The following DYRK1A variants were observed in gnomAD, a reference collection of about 807,000 sequenced individuals.
The protein encoded by DYRK1A is dual specificity tyrosine phosphorylation regulated kinase 1A.
In DYRK1A, 9 loss-of-function variants were observed where a neutral mutation model predicts 79.7. The observed-to-expected ratio is 0.11, with a 90% CI of 0.07 to 0.20. DYRK1A has a LOEUF of 0.20. DYRK1A is among the 10% of genes least tolerant of loss of function. The pLI is 1.00. For synonymous variants in DYRK1A, 349 were observed against 329.7 expected (o/e 1.06, Z -0.63); for missense variants, 622 against 956.0 (o/e 0.65, Z 4.61).
chr21:37,486,730 G>A (rs1286908157), intron 6 of DYRK1A, 116 bp downstream of exon 6: 1 of 1,076,916 alleles, frequency 9.3e-7, no homozygotes, highest in Non-Finnish European at 1.2e-6. Context: ...TTAAAAATTT[G>A]TTTATTTCTG....
intron 2 of DYRK1A, among the ~76,000 whole-genome samples, chr21:37,437,198 GATTTTTGAAT>G (rs2050949699): frequency 2.0e-5 from 3 of 152,072 alleles, no homozygotes; most frequent in Non-Finnish European, 4.4e-5. Context: ...AAAAGTGGGG[GATTTTTGAAT>G]TTTTTACAGC....
At chr21:37,484,607 A>C (rs1290185658) in intron 5 of DYRK1A, among the ~76,000 whole-genome samples, 3 of 152,156 alleles carry the variant, frequency 2.0e-5, no homozygotes, top group Non-Finnish European at 4.4e-5. Flanking sequence ...CTGGGATTAC[A>C]GGCATGAGCT....
chr21:37,408,116 C>A (rs2050181204), intron 1 of DYRK1A, among the ~76,000 whole-genome samples: 1 of 152,176 alleles, frequency 6.6e-6, no homozygotes. Flanking sequence ...ACCCTTTTCC[C>A]TTTCCCAGAA....
chr21:37,448,622 T>G (rs1056283311), intron 2 of DYRK1A, among the ~76,000 whole-genome samples: 1 of 152,230 alleles, frequency 6.6e-6, no homozygotes, highest in African/African-American at 2.4e-5. Context: ...CTGAAAAAAC[T>G]TGTATATTTT....
chr21:37,478,833 A>G (rs946007204), intron 4 of DYRK1A, among the ~76,000 whole-genome samples: 1 of 152,070 alleles, frequency 6.6e-6, no homozygotes, highest in Non-Finnish European at 1.5e-5. Flanking sequence ...TCTTTTTATG[A>G]TAAGATGTCC....
chr21:37,494,165 T>G (rs1485365595), intron 8 of DYRK1A, among the ~76,000 whole-genome samples: 1 of 152,032 alleles, frequency 6.6e-6, no homozygotes, highest in Admixed American at 6.5e-5. Context: ...GTGCTGAGAT[T>G]ACAGGCGTGA....
At position 37,525,098 on chromosome 21, in the gene DYRK1A, T is replaced by C. The variant is rs1165543832; in HGVS notation, c.*12567T>C. On this transcript the variant is annotated 3_prime_UTR_variant, in exon 12 of 12. Coordinates refer to ENST00000647188, the MANE Select transcript of DYRK1A (RefSeq NM_001347721.2). ...TGGATGACAGAGTGAGAACATTGTC[T>C]CAAAACAAAAAGTTGAGAAAACGAA... is the stretch of plus-strand genomic sequence containing the variant. The C allele has an allele frequency of 6.6e-6, 1 of 152,166 alleles. No individual in the cohort carries two copies. Among genetic ancestry groups the C allele is most frequent in the African/African-American group, 2.4e-5 (1 of 41,418 alleles). The allele number at this position is 152,166 out of a possible 1,614,324, so 9.4% of individuals were successfully genotyped here. A position where few individuals can be genotyped will look rare whatever the true frequency, so the allele number is the denominator to read the frequency against.
At chr21:37,482,852 A>G (rs2052703591) in intron 5 of DYRK1A, among the ~76,000 whole-genome samples, 1 of 152,208 alleles carries the variant, frequency 6.6e-6, no homozygotes, top group African/African-American at 2.4e-5. Context: ...GAATTCAGCG[A>G]TATTTCTCCC....
intron 9 of DYRK1A, among the ~76,000 whole-genome samples, chr21:37,500,324 T>C (rs2053404179): frequency 6.6e-6 from 1 of 152,196 alleles, no homozygotes; most frequent in South Asian, 2.1e-4. Flanking sequence ...TAACCTACAC[T>C]TGGCCTTGAT....
At chr21:37,461,989 G>GT (rs1200503980) in intron 2 of DYRK1A, among the ~76,000 whole-genome samples, 1 of 151,112 alleles carries the variant, frequency 6.6e-6, no homozygotes, top group African/African-American at 2.4e-5. Context: ...TTTCATTTGA[G>GT]TTATTTTGTT....
intron 5 of DYRK1A, 122 bp from the exon 6 acceptor site, chr21:37,486,345 G>T: frequency 1.3e-6 from 1 of 796,752 alleles, no homozygotes; most frequent in South Asian, 3.5e-5. Context: ...AGGAAGGTCA[G>T]AAAAATAATT....
intron 1 of DYRK1A, among the ~76,000 whole-genome samples, chr21:37,376,768 G>A (rs2049550361): frequency 6.6e-6 from 1 of 151,920 alleles, no homozygotes; most frequent in South Asian, 2.1e-4. Flanking sequence ...TATAAGGTAC[G>A]GTTCTGATCA....
chr21:37,386,391 A>G (rs2049761062), intron 1 of DYRK1A, among the ~76,000 whole-genome samples: 1 of 152,176 alleles, frequency 6.6e-6, no homozygotes. Context: ...CTGTAGAGCA[A>G]TACTTGTCAG....
At chr21:37,511,848 G>C (rs1227468563) in intron 11 of DYRK1A, 63 bp from the exon 12 acceptor site, 2 of 1,547,558 alleles carry the variant, frequency 1.3e-6, no homozygotes, top group Non-Finnish European at 1.7e-6. Flanking sequence ...CATGGCTTTT[G>C]ATGGAAGATT....
At chr21:37,498,532 AT>A (rs1021733413) in intron 9 of DYRK1A, among the ~76,000 whole-genome samples, 6 of 151,610 alleles carry the variant, frequency 4.0e-5, no homozygotes, top group Admixed American at 3.3e-4. Context: ...TCAGGAATTA[AT>A]TTTTTTTTAT....
At chr21:37,431,849 G>A (rs1038401617) in intron 2 of DYRK1A, among the ~76,000 whole-genome samples, 5 of 152,040 alleles carry the variant, frequency 3.3e-5, no homozygotes, top group South Asian at 4.1e-4. Flanking sequence ...GATAAGTACA[G>A]TACAAAAACC....
rs2053951827 is a variant in DYRK1A at position 37,523,919 on chromosome 21, C to G, written c.*11388C>G. 6.6e-6 allele frequency: 1 copy of G among 152,176 alleles called. No individual in the cohort carries two copies. The highest frequency in any genetic ancestry group is 1.5e-5 in the Non-Finnish European group (1 of 68,032). 9.4% of individuals were successfully genotyped at this position (152,176 alleles called of 1,614,324 possible). On this transcript the variant is annotated 3_prime_UTR_variant, in exon 12 of 12. Transcript: ENST00000647188. ...TATGTGGCATTCTCATCATTTTGCC[C>G]TGCCGCTCTGTGCAATGTAAATTGC...
At chr21:37,500,313 A>AT (rs2053403619) in intron 9 of DYRK1A, among the ~76,000 whole-genome samples, 1 of 152,184 alleles carries the variant, frequency 6.6e-6, no homozygotes, top group African/African-American at 2.4e-5. Flanking sequence ...CCACCCTGTG[A>AT]TAACCTACAC....
rs1398521352 is a variant in DYRK1A, at chr21:37,520,887, C to G, written c.*8356C>G. 2 of 152,244 alleles carry G rather than the reference C, an allele frequency of 1.3e-5. No individual in the cohort carries two copies. The highest frequency in any genetic ancestry group is 2.9e-5 in the Non-Finnish European group (2 of 68,064). 9.4% of individuals were successfully genotyped at this position (152,244 alleles called of 1,614,324 possible). A position where few individuals can be genotyped will look rare whatever the true frequency, so the allele number is the denominator to read the frequency against. The stretch of plus-strand genomic sequence containing the variant: ...GTCCTGGATTCCTCCAGGACTGCTA[C>G]TGTATTCCAATTGAGTGGTGGTTTG... On this transcript the variant is annotated 3_prime_UTR_variant, in exon 12 of 12. Coordinates refer to ENST00000647188, the MANE Select transcript of DYRK1A (RefSeq NM_001347721.2).
Sources: allele counts gnomAD v4.1 joint callset (sites outside exome capture counted in the v4.1 genomes callset), GRCh38; gene constraint gnomAD v4.1.1; transcripts MANE v1.5; gene names NCBI Gene and HGNC (gene_info 2026-07-23, HGNC 2026-07-21).